Variants in ERBB2 observed in about 807,000 individuals in gnomAD.
ERBB2 encodes the protein erb-b2 receptor tyrosine kinase 2.
A neutral mutation model predicts 149.0 loss-of-function variants in ERBB2; 61 were observed. The ratio of observed to expected loss-of-function variants is 0.41; its 90% confidence interval spans 0.33 to 0.51. The LOEUF is 0.51. ERBB2 is among the 20% of genes least tolerant of loss of function. ERBB2 has a pLI of 0.25. For missense variants in ERBB2, 1,205 were observed against 1,655.1 expected (o/e 0.73, Z 4.72); for synonymous variants, 633 against 678.8 (o/e 0.93, Z 1.05).
upstream of ERBB2, among the ~76,000 whole-genome samples, chr17:39,690,954 G>T (rs1267468395): frequency 6.7e-6 from 1 of 150,358 alleles, no homozygotes; most frequent in Non-Finnish European, 1.5e-5. Flanking sequence ...AGGAGTTCGA[G>T]ACCAGCCTGA....
rs766972367 is a variant in ERBB2, at chr17:39,723,503, G to GC, written c.2086-30dup. 6.2e-7 allele frequency: 1 copy of GC among 1,613,246 alleles called. No homozygotes were observed. Among genetic ancestry groups the GC allele is most frequent in the African/African-American group, 1.3e-5 (1 of 74,920 alleles). On this transcript the variant is annotated intron_variant, in intron 17 of 26. Transcript: ENST00000269571. This position sits in a 1 kb window ranked among gnomAD's most constrained non-coding sequence, Gnocchi z 6.2. ...CCCAGCCCGCGTGGGGTCTGCACCGGCCCCCGGCACTGACCCACCACCCCC... is the reference window on the plus strand; with the variant it reads ...CCCAGCCCGCGTGGGGTCTGCACCGGCCCCCCGGCACTGACCCACCACCCCC...
At chr17:39,717,703 ATTT>A (rs2059216993) in intron 15 of ERBB2, 1 of 445,228 alleles carries the variant, frequency 2.2e-6, no homozygotes, top group Admixed American at 3.9e-5. Flanking sequence ...TCCTCTAGTT[ATTT>A]TTGTCTGTGC....
intron 16 of ERBB2, among the ~76,000 whole-genome samples, chr17:39,721,182 T>G (rs1313040660): frequency 6.6e-6 from 1 of 151,662 alleles, no homozygotes; most frequent in Admixed American, 6.6e-5. Flanking sequence ...ACTCGTGGGC[T>G]CAAGTGATCC....
At chr17:39,700,729 G>T (rs4252600) in intron 1 of ERBB2, among the ~76,000 whole-genome samples, 87 of 152,212 alleles carry the variant, frequency 5.7e-4, no homozygotes, top group Non-Finnish European at 9.4e-4. Flanking sequence ...GGATTCCTTG[G>T]GGGGGTCCTC....
At chr17:39,702,066 A>G (rs766715301) in intron 1 of ERBB2, among the ~76,000 whole-genome samples, 29 of 152,180 alleles carry the variant, frequency 1.9e-4, no homozygotes, top group Admixed American at 2.6e-4. Context: ...AACCTGCACT[A>G]TTGATTGTGT....
intron 4 of ERBB2, 99 bp downstream of exon 4, chr17:39,709,551 G>T (rs1267544053): frequency 7.1e-7 from 1 of 1,416,144 alleles, no homozygotes; most frequent in African/African-American, 1.4e-5. Flanking sequence ...CACTGCCCCA[G>T]CCGCCTACAC....
intron 3 of ERBB2, among the ~76,000 whole-genome samples, chr17:39,708,743 C>T (rs756227141): frequency 8.5e-5 from 13 of 152,168 alleles, no homozygotes; most frequent in African/African-American, 2.4e-4. Context: ...ATAATTCAAT[C>T]GTGAGAATGC....
intron 8 of ERBB2, 133 bp downstream of exon 8, chr17:39,712,180 T>C: frequency 1.3e-6 from 2 of 1,526,048 alleles, no homozygotes; most frequent in Non-Finnish European, 1.8e-6. Context: ...TCTCTACCCC[T>C]GGCCCCCCTC....
At position 39,723,269 on chromosome 17, in the gene ERBB2, C is replaced by T. The variant is rs2059547155; in HGVS notation, c.1947-50C>T. 1.3e-6 allele frequency: 2 copies of T among 1,596,780 alleles called. No homozygotes were observed. The highest frequency in any genetic ancestry group is 1.7e-5 in the Admixed American group (1 of 59,242). On this transcript the variant is annotated intron_variant, in intron 16 of 26. Transcript: ENST00000269571. This position sits in a 1 kb window ranked among gnomAD's most constrained non-coding sequence, Gnocchi z 6.2. The stretch of plus-strand genomic sequence containing the variant: ...TGTCCCCCGTGGGCCCCCTTTGTCC[C>T]TCCCACCCCAAACTAGCCCTCAATC...
chr17:39,691,961 C>T (rs924044573), upstream of ERBB2, among the ~76,000 whole-genome samples: 3 of 111,732 alleles, frequency 2.7e-5, no homozygotes, highest in Non-Finnish European at 5.7e-5. Flanking sequence ...ATATATATCT[C>T]TTGTGTCTCA....
Position 39,717,311 on chromosome 17 carries a change from C to A in ERBB2, c.1738-9C>A. 6.3e-7 allele frequency: 1 copy of A among 1,591,060 alleles called. No homozygotes were observed. Among genetic ancestry groups the A allele is most frequent in the Non-Finnish European group, 8.6e-7 (1 of 1,166,362 alleles). ...CCAGCCCCCCACAAATCTTTTCTGCCCCCCCCAGGAGGCTGACCAGTGTGT... is the reference window on the plus strand; with the variant it reads ...CCAGCCCCCCACAAATCTTTTCTGCACCCCCCAGGAGGCTGACCAGTGTGT... On this transcript the variant is annotated splice_polypyrimidine_tract_variant and intron_variant, in intron 14 of 26. Transcript: ENST00000269571.
At position 39,725,242 on chromosome 17, in the gene ERBB2, G is replaced by C. The variant is rs759115986; in HGVS notation, c.2649+38G>C. On this transcript the variant is annotated intron_variant, in intron 21 of 26. Coordinates refer to ENST00000269571, the MANE Select transcript of ERBB2 (RefSeq NM_004448.4). The surrounding 1 kb of genome is among the most constrained non-coding windows in gnomAD (Gnocchi z 4.6). ...ACCAAGGAGCAGAGGAGGCTGGGTG[G>C]AGTGGTGTCTAGCCCATGGGAGAAC... The C allele has an allele frequency of 6.2e-7, 1 of 1,613,760 alleles. No homozygotes were observed. The highest frequency in any genetic ancestry group is 8.5e-7 in the Non-Finnish European group (1 of 1,179,796).
At chr17:39,688,619 C>T (rs1257556679) in intron 1 of ERBB2, 1 of 152,490 alleles carries the variant, frequency 6.6e-6, no homozygotes, top group East Asian at 1.9e-4. Context: ...TCCAGACCCG[C>T]TTCAGAGGGC....
chr17:39,688,146 G>A lies in ERBB2; in HGVS notation c.-514G>A, dbSNP rs944603192. ...CCACACAGTTTAAATTAAAGTTCCC[G>A]GATTTTTGTGGGCGCCTGCCCCGCC... On this transcript the variant is annotated 5_prime_UTR_variant, in exon 1 of 18. Transcript: ENST00000578199. 4 of 873,896 alleles carry A rather than the reference G, an allele frequency of 4.6e-6. No homozygotes were observed. In the African/African-American group the frequency reaches 7.0e-5, roughly 15 times the overall value. The allele number at this position is 873,896 out of a possible 1,614,324, so 54.1% of individuals were successfully genotyped here.
chr17:39,698,981 C>T (rs1397897324), upstream of ERBB2, among the ~76,000 whole-genome samples: 2 of 151,340 alleles, frequency 1.3e-5, no homozygotes, highest in Admixed American at 6.6e-5. Flanking sequence ...AAAAGTCTTC[C>T]TTCCATCCCC....
At position 39,711,916 on chromosome 17, in the gene ERBB2, T is replaced by C. The variant is rs749486546; in HGVS notation, c.902-12T>C. On this transcript the variant is annotated splice_polypyrimidine_tract_variant and intron_variant, in intron 7 of 26. Coordinates refer to ENST00000269571, the MANE Select transcript of ERBB2 (RefSeq NM_004448.4). ...GCCAGGGTATGTGGCTACATGTTCCTGATCTCCTTAGACAACTACCTTTCT... is the reference window on the plus strand; with the variant it reads ...GCCAGGGTATGTGGCTACATGTTCCCGATCTCCTTAGACAACTACCTTTCT... 12 of 1,613,902 alleles carry C rather than the reference T, an allele frequency of 7.4e-6. No individual in the cohort carries two copies. In the Admixed American group the frequency reaches 1.8e-4, roughly 25 times the overall value.
upstream of ERBB2, among the ~76,000 whole-genome samples, chr17:39,698,958 TA>T (rs71149792): frequency 0.19 from 25,983 of 137,622 alleles, 2,412 homozygotes; most frequent in South Asian, 0.3. Flanking sequence ...TTGTTGAAAT[TA>T]AAAAAAAAAA....
upstream of ERBB2, among the ~76,000 whole-genome samples, chr17:39,690,093 A>AT (rs988327742): frequency 3.3e-5 from 5 of 151,786 alleles, no homozygotes; most frequent in African/African-American, 1.2e-4. Context: ...GTTAAAAAAA[A>AT]TTTTTTTTCC....
At chr17:39,701,166 G>A (rs1464017079) in intron 1 of ERBB2, among the ~76,000 whole-genome samples, 2 of 152,054 alleles carry the variant, frequency 1.3e-5, no homozygotes, top group African/African-American at 4.8e-5. Flanking sequence ...TGGGGGCAGT[G>A]TGTATCCTGA....
Sources: allele counts gnomAD v4.1 joint callset (sites outside exome capture counted in the v4.1 genomes callset), GRCh38; gene constraint gnomAD v4.1.1; non-coding constraint Gnocchi (gnomAD v3.1); transcripts MANE v1.5; gene names NCBI Gene and HGNC (gene_info 2026-07-23, HGNC 2026-07-21).